CD9: variants seen among roughly 807,000 people sequenced by gnomAD.
CD9 encodes the protein CD9 molecule.
A neutral mutation model predicts 31.4 loss-of-function variants in CD9; 10 were observed. The observed-to-expected ratio is 0.32, with a 90% CI of 0.20 to 0.54. CD9 has a LOEUF of 0.54. Ranked by LOEUF, CD9 falls within the 20% of genes least tolerant of loss-of-function variation. The pLI is 0.94. For missense variants in CD9, 259 were observed against 300.1 expected (o/e 0.86, Z 1.01); for synonymous variants, 113 against 114.1 (o/e 0.99, Z 0.06).
intron 4 of CD9, 32 bp from the exon 5 acceptor site, chr12:6,235,197 G>A (rs369457813): frequency 1.7e-5 from 25 of 1,456,754 alleles, no homozygotes; most frequent in African/African-American, 1.5e-4. Flanking sequence ...TGAAAATGCC[G>A]TCTCTGCCCC....
Position 6,232,176 on chromosome 12 carries a change from C to G in CD9, c.176-456C>G, listed in dbSNP as rs1257126395. 2 of 197,274 alleles carry G rather than the reference C, an allele frequency of 1.0e-5. No individual in the cohort carries two copies. Among genetic ancestry groups the G allele is most frequent in the African/African-American group, 4.8e-5 (2 of 41,926 alleles). The allele number at this position is 197,274 out of a possible 1,614,324, so 12.2% of individuals were successfully genotyped here. A position where few individuals can be genotyped will look rare whatever the true frequency, so the allele number is the denominator to read the frequency against. ...GGTGCCTAGGTGTGCACGGCCCCTT[C>G]CTGCTGGAAATCTGCTCTGACAGCG... is the stretch of plus-strand genomic sequence containing the variant. On this transcript the variant is annotated intron_variant, in intron 2 of 7. Coordinates refer to ENST00000009180, the MANE Select transcript of CD9 (RefSeq NM_001769.4). The surrounding 1 kb of genome is among the most constrained non-coding windows in gnomAD (Gnocchi z 4.8).
At chr12:6,202,624 C>G (rs1394698451) in intron 1 of CD9, among the ~76,000 whole-genome samples, 1 of 152,110 alleles carries the variant, frequency 6.6e-6, no homozygotes, top group African/African-American at 2.4e-5. Flanking sequence ...GGTATCTACT[C>G]TGTCTGTGGC....
chr12:6,207,623 G>A (rs116093095), intron 1 of CD9, among the ~76,000 whole-genome samples: 53 of 152,320 alleles, frequency 3.5e-4, no homozygotes, highest in African/African-American at 1.0e-3. Flanking sequence ...AAATGCAGAC[G>A]GAAAGTCTCG....
intron 1 of CD9, among the ~76,000 whole-genome samples, chr12:6,219,077 C>T (rs953490744): frequency 2.3e-4 from 35 of 152,210 alleles, no homozygotes; most frequent in Admixed American, 1.1e-3. Flanking sequence ...TCAATCTCCG[C>T]TCATTGCAAC....
intron 2 of CD9, among the ~76,000 whole-genome samples, chr12:6,228,935 T>A (rs1016291900): frequency 3.3e-5 from 5 of 152,222 alleles, no homozygotes; most frequent in African/African-American, 4.8e-5. Context: ...TTTTCTCCAG[T>A]GGGGCCACAG....
chr12:6,226,509 T>C (rs1946368663), intron 2 of CD9: 1 of 152,166 alleles, frequency 6.6e-6, no homozygotes, highest in African/African-American at 2.4e-5. Flanking sequence ...AAAACAGTTA[T>C]CTCCCAGTCC....
At chr12:6,237,047 C>T (rs536457060) in intron 7 of CD9, among the ~76,000 whole-genome samples, 2 of 152,134 alleles carry the variant, frequency 1.3e-5, no homozygotes, top group Admixed American at 6.5e-5. Context: ...GGTGTGATCT[C>T]GACTCACTGC....
intron 1 of CD9, among the ~76,000 whole-genome samples, chr12:6,211,655 A>G (rs1347856217): frequency 1.3e-5 from 2 of 152,256 alleles, no homozygotes; most frequent in Non-Finnish European, 2.9e-5. Context: ...TCGGCGAGGC[A>G]TACACAACGG....
chr12:6,208,587 T>A (rs965207277), intron 1 of CD9, among the ~76,000 whole-genome samples: 1 of 152,226 alleles, frequency 6.6e-6, no homozygotes, highest in Non-Finnish European at 1.5e-5. Flanking sequence ...TCTTTTTTTT[T>A]TGAGGTGGAG....
chr12:6,200,299 G>T, upstream of CD9: 1 of 320,616 alleles, frequency 3.1e-6, no homozygotes, highest in East Asian at 4.8e-5. Flanking sequence ...CGTGGCCGGC[G>T]GGGGGAGTGG....
At position 6,237,772 on chromosome 12, in the gene CD9, A is replaced by G. The variant is rs957806306; in HGVS notation, c.631A>G (p.Met211Val). 1.9e-6 allele frequency: 3 copies of G among 1,612,826 alleles called. No individual in the cohort carries two copies. Among genetic ancestry groups the G allele is most frequent in the Non-Finnish European group, 2.5e-6 (3 of 1,178,940 alleles). The change falls in exon 8 of 8, where the codon ATG (methionine) becomes GTG (valine). Residue 211 changes from methionine to valine, a missense_variant. Physicochemically the swap from Met to Val is conservative, Grantham distance 21. Transcript: ENST00000009180. ...IGIAVVMIFG[M>V]IFSMILCCAI... ...TCTTCCTATCTCCTAGATATTTGGC[A>G]TGATCTTCAGTATGATCTTGTGCTG...
intron 1 of CD9, among the ~76,000 whole-genome samples, chr12:6,213,370 A>G (rs1253586573): frequency 6.6e-6 from 1 of 152,164 alleles, no homozygotes; most frequent in East Asian, 1.9e-4. Context: ...CCTGTCTATA[A>G]AACACTCATT....
At chr12:6,212,156 C>T (rs1390065754) in intron 1 of CD9, among the ~76,000 whole-genome samples, 3 of 152,166 alleles carry the variant, frequency 2.0e-5, no homozygotes, top group Non-Finnish European at 2.9e-5. Context: ...AGCAAGTAAC[C>T]GATCTCTGCA....
intron 2 of CD9, among the ~76,000 whole-genome samples, chr12:6,227,340 A>G (rs935996199): frequency 6.6e-6 from 1 of 152,006 alleles, no homozygotes; most frequent in Non-Finnish European, 1.5e-5. Context: ...CTGGGATTAC[A>G]GGCATGTGCC....
At chr12:6,206,692 AT>A in intron 1 of CD9, among the ~76,000 whole-genome samples, 1 of 152,116 alleles carries the variant, frequency 6.6e-6, no homozygotes, top group East Asian at 1.9e-4. Context: ...TTTTGTGATA[AT>A]TTTATAATAA....
chr12:6,205,750 A>G (rs191965864), intron 1 of CD9, among the ~76,000 whole-genome samples: 1 of 152,310 alleles, frequency 6.6e-6, no homozygotes, highest in African/African-American at 2.4e-5. Context: ...TCTTCTAAAG[A>G]ACACAAACCT....
At chr12:6,221,604 A>ACTTG (rs1262365114) in intron 1 of CD9, among the ~76,000 whole-genome samples, 1 of 151,826 alleles carries the variant, frequency 6.6e-6, no homozygotes, top group African/African-American at 2.4e-5. Flanking sequence ...TGAATAATTG[A>ACTTG]CTTGGCACCC....
intron 1 of CD9, among the ~76,000 whole-genome samples, chr12:6,215,818 T>TA (rs1946237551): frequency 6.6e-6 from 1 of 152,236 alleles, no homozygotes; most frequent in African/African-American, 2.4e-5. Flanking sequence ...CATGAGCTAT[T>TA]ACAGTAGTTT....
At chr12:6,218,048 A>C (rs779225859) in intron 1 of CD9, among the ~76,000 whole-genome samples, 9 of 152,004 alleles carry the variant, frequency 5.9e-5, no homozygotes, top group Non-Finnish European at 1.3e-4. Context: ...AACATGGGGA[A>C]ACTTCATCTC....
Sources: gnomAD v4.1 joint callset for allele counts (sites outside exome capture counted in the v4.1 genomes callset) on GRCh38, gnomAD v4.1.1 for gene constraint, Gnocchi (gnomAD v3.1) non-coding constraint, MANE v1.5 for transcripts, NCBI Gene and HGNC (gene_info 2026-07-23, HGNC 2026-07-21) for gene names.